The following PRKN variants were observed in gnomAD, a reference collection of about 807,000 sequenced individuals.
PRKN encodes the protein parkin RBR E3 ubiquitin protein ligase, also known as E3 ubiquitin-protein ligase parkin.
In PRKN, 56 loss-of-function variants were observed where a neutral mutation model predicts 59.5. The ratio of observed to expected loss-of-function variants is 0.94; its 90% CI spans 0.76 to 1.18. The LOEUF (loss-of-function observed/expected upper bound fraction) is 1.18, where lower values mean the gene tolerates loss of function less well. Among genes scored for constraint, PRKN ranks in the 50% most tolerant of loss-of-function variants. The pLI is 0.00. For missense variants in PRKN, 657 were observed against 596.4 expected, an observed-to-expected ratio of 1.10 and a Z score of -1.06; for synonymous variants, 250 against 222.1, an observed-to-expected ratio of 1.13 and a Z score of -1.12.
chr6:161,453,631 G>A (rs1456005148), intron 9 of PRKN, among the ~76,000 whole-genome samples: 2 of 152,244 alleles, frequency 1.3e-5, no homozygotes, highest in East Asian at 3.9e-4. Flanking sequence ...CGCCCTGTAG[G>A]ATTCAGACTT....
intron 7 of PRKN, among the ~76,000 whole-genome samples, chr6:161,777,223 G>T (rs538323294): frequency 4.5e-4 from 68 of 152,174 alleles, no homozygotes; most frequent in African/African-American, 1.6e-3. Flanking sequence ...TATAGTAAGC[G>T]CTCATTAATC....
At position 161,527,635 on chromosome 6, in the gene PRKN, C is replaced by T. The variant is rs538034910; in HGVS notation, c.1083+21219G>A. On this transcript the variant is annotated intron_variant, in intron 9 of 11. Transcript: ENST00000366898. This position sits in a 1 kb window ranked among gnomAD's most constrained non-coding sequence, Gnocchi z 4.6. ...AAGGTGGGGAGGCAAAGAGGACACG[C>T]ACTGCATCTTCTTCCCTTGCACTTC... is the stretch of plus-strand genomic sequence containing the variant. 7.2e-5 allele frequency among the ~76,000 whole-genome samples: 11 copies of T among 152,352 alleles called. No homozygotes were observed. The highest frequency in any genetic ancestry group is 2.6e-4 in the African/African-American group (11 of 41,578).
chr6:162,684,373 A>AT (rs1779887869), intron 1 of PRKN, among the ~76,000 whole-genome samples: 1 of 152,268 alleles, frequency 6.6e-6, no homozygotes, highest in Non-Finnish European at 1.5e-5. Flanking sequence ...TCAATGCCCC[A>AT]TAGCTTTCCA....
At chr6:162,724,378 T>C (rs529862244) in intron 1 of PRKN, among the ~76,000 whole-genome samples, 1 of 152,298 alleles carries the variant, frequency 6.6e-6, no homozygotes, top group Admixed American at 6.5e-5. Context: ...GTAAGTACTT[T>C]TGAAACAGTC....
chr6:162,609,757 A>G (rs911918606), intron 1 of PRKN, among the ~76,000 whole-genome samples: 5 of 152,214 alleles, frequency 3.3e-5, no homozygotes, highest in African/African-American at 1.2e-4. Context: ...CTCTACAATG[A>G]TTTTATTGCC....
At chr6:162,065,563 T>C (rs1778300420) in intron 4 of PRKN, among the ~76,000 whole-genome samples, 1 of 152,064 alleles carries the variant, frequency 6.6e-6, no homozygotes, top group African/African-American at 2.4e-5. Flanking sequence ...TCTTTTTTTT[T>C]TTTGGTCAAT....
chr6:161,737,459 A>C (rs1788011131), intron 7 of PRKN, among the ~76,000 whole-genome samples: 1 of 152,250 alleles, frequency 6.6e-6, no homozygotes, highest in Non-Finnish European at 1.5e-5. Context: ...CAGCTTTAAC[A>C]AGGGAAATAA....
At chr6:161,917,869 G>A (rs1778631407) in intron 6 of PRKN, among the ~76,000 whole-genome samples, 1 of 152,214 alleles carries the variant, frequency 6.6e-6, no homozygotes. Context: ...AGAGCGAGAT[G>A]CAGGCTTCGC....
At chr6:161,949,386 C>T (rs879580438) in intron 6 of PRKN, among the ~76,000 whole-genome samples, 7 of 152,150 alleles carry the variant, frequency 4.6e-5, no homozygotes, top group Non-Finnish European at 1.0e-4. Flanking sequence ...TGGCAGGCGC[C>T]TGTAGTCCCA....
chr6:162,565,141 T>C (rs558736665), intron 1 of PRKN, among the ~76,000 whole-genome samples: 41 of 152,312 alleles, frequency 2.7e-4, no homozygotes, highest in African/African-American at 9.4e-4. Context: ...TATAGAGTTT[T>C]TATTAGTTTT....
At chr6:161,910,497 C>T (rs946542030) in intron 6 of PRKN, among the ~76,000 whole-genome samples, 4 of 152,156 alleles carry the variant, frequency 2.6e-5, no homozygotes, top group African/African-American at 9.7e-5. Context: ...TCAGGTGACC[C>T]ACCCAGCTCA....
chr6:161,509,879 CAAAAAA>C (rs1175501223), intron 9 of PRKN, among the ~76,000 whole-genome samples: 8,489 of 49,088 alleles, frequency 0.17, 295 homozygotes, highest in African/African-American at 0.26. Context: ...GACTCCATCT[CAAAAAA>C]AAAAAAAAAA....
intron 7 of PRKN, among the ~76,000 whole-genome samples, chr6:161,720,077 G>A (rs1787157631): frequency 6.6e-6 from 1 of 152,140 alleles, no homozygotes; most frequent in Non-Finnish European, 1.5e-5. Flanking sequence ...CAAACCAACA[G>A]AGAAAACCAT....
chr6:161,566,637 C>A lies in PRKN; in HGVS notation c.933+2718G>T, dbSNP rs1290723213. On this transcript the variant is annotated intron_variant, in intron 8 of 11. Transcript: ENST00000366898. The surrounding 1 kb of genome is among the most constrained non-coding windows in gnomAD (Gnocchi z 4.1). ...GGTCAGGCTGGTCTCAGACTCCTGA[C>A]CTCAGGTGATCCATTCGCCTTAGCC... 6.6e-6 allele frequency among the ~76,000 whole-genome samples: 1 copy of A among 152,174 alleles called. No homozygotes were observed. Among genetic ancestry groups the A allele is most frequent in the Non-Finnish European group, 1.5e-5 (1 of 68,026 alleles).
chr6:162,363,817 G>C (rs1272962564), intron 2 of PRKN, among the ~76,000 whole-genome samples: 1 of 152,138 alleles, frequency 6.6e-6, no homozygotes, highest in Admixed American at 6.5e-5. Context: ...AGATCAAAAG[G>C]TCCTGCCCGC....
At position 161,595,502 on chromosome 6, in the gene PRKN, G is replaced by A. The variant is rs373877752; in HGVS notation, c.872-26086C>T. On this transcript the variant is annotated intron_variant, in intron 7 of 11. Coordinates refer to ENST00000366898, the MANE Select transcript of PRKN (RefSeq NM_004562.3). ...TATTCTTTTCACAATCTCTTTCCACGCAGACACTCCATGTGGTTAGCTTGG... is the reference window on the plus strand; with the variant it reads ...TATTCTTTTCACAATCTCTTTCCACACAGACACTCCATGTGGTTAGCTTGG... 4.6e-5 allele frequency among the ~76,000 whole-genome samples: 7 copies of A among 152,224 alleles called. No homozygotes were observed. The East Asian group carries it at 5.8e-4, about 13-fold the overall frequency.
intron 3 of PRKN, among the ~76,000 whole-genome samples, chr6:162,212,096 T>C (rs1265619618): frequency 2.0e-5 from 3 of 152,080 alleles, no homozygotes; most frequent in Non-Finnish European, 4.4e-5. Flanking sequence ...TGAAAGTCTT[T>C]CTATATCATG....
At chr6:162,337,292 C>A (rs1783887693) in intron 2 of PRKN, among the ~76,000 whole-genome samples, 2 of 152,122 alleles carry the variant, frequency 1.3e-5, no homozygotes, top group Non-Finnish European at 2.9e-5. Flanking sequence ...AGTTATCTCA[C>A]CTCCCCCATC....
chr6:161,999,769 C>T (rs1021848067), intron 5 of PRKN, among the ~76,000 whole-genome samples: 1 of 151,978 alleles, frequency 6.6e-6, no homozygotes. Context: ...AGCTAATTTC[C>T]GCAAACAAGC....
Sources: allele counts gnomAD v4.1 joint callset (sites outside exome capture counted in the v4.1 genomes callset), GRCh38; gene constraint gnomAD v4.1.1; non-coding constraint Gnocchi (gnomAD v3.1); transcripts MANE v1.5; gene names NCBI Gene and HGNC (gene_info 2026-07-23, HGNC 2026-07-21).